DHX30: variants seen among roughly 807,000 people sequenced by gnomAD.
The protein encoded by DHX30 is ATP-dependent RNA helicase DHX30.
DHX30 carries 4 observed loss-of-function variants against 116.9 expected under a neutral mutation model. That is an observed-to-expected ratio of 0.03 (90% CI 0.02 to 0.08). The LOEUF is 0.08. Ranked by LOEUF, DHX30 falls within the 10% of genes least tolerant of loss-of-function variation. DHX30 has a pLI of 1.00. For missense variants in DHX30, 871 were observed against 1,595.1 expected (o/e 0.55, Z 7.73); for synonymous variants, 697 against 651.7 (o/e 1.07, Z -1.06).
At chr3:47,824,145 G>A (rs2036427459) in intron 4 of DHX30, among the ~76,000 whole-genome samples, 1 of 151,928 alleles carries the variant, frequency 6.6e-6, no homozygotes, top group Admixed American at 6.6e-5. Context: ...TGGGATTACA[G>A]GCGCGCGACA....
At chr3:47,803,297 C>A in intron 1 of DHX30, 85 bp downstream of exon 1, 1 of 388,208 alleles carries the variant, frequency 2.6e-6, no homozygotes, top group Non-Finnish European at 4.6e-6. Flanking sequence ...GGAGGGGGCC[C>A]GGTCCGACCG....
intron 4 of DHX30, chr3:47,824,755 T>C (rs1576481148): frequency 2.2e-5 from 8 of 359,866 alleles, no homozygotes; most frequent in Non-Finnish European, 2.5e-5. Flanking sequence ...AGCATTATTT[T>C]CCCCCCAACA....
chr3:47,836,051 T>C (rs2037100374), intron 6 of DHX30, among the ~76,000 whole-genome samples: 1 of 152,262 alleles, frequency 6.6e-6, no homozygotes, highest in South Asian at 2.1e-4. Context: ...ATAGCAATTA[T>C]GCTGAAGCTG....
intron 2 of DHX30, among the ~76,000 whole-genome samples, chr3:47,807,037 C>T (rs1483991651): frequency 1.3e-5 from 2 of 151,902 alleles, no homozygotes; most frequent in African/African-American, 4.8e-5. Flanking sequence ...GAAACACTGT[C>T]TCTACCAAAA....
At position 47,820,325 on chromosome 3, in the gene DHX30, A is replaced by G. The variant is rs559077390; in HGVS notation, c.124+2208A>G. Among the ~76,000 whole-genome samples, 7 of 151,950 alleles carry G rather than the reference A, an allele frequency of 4.6e-5. No homozygotes were observed. The South Asian group carries it at 1.5e-3, about 32-fold the overall frequency. ...CGAGACTCCATCTCAAAAAAAAAAA[A>G]GAGACCTGCGGCTTATGTGGAAGGG... is the stretch of plus-strand genomic sequence containing the variant. On this transcript the variant is annotated intron_variant, in intron 4 of 21. Coordinates refer to ENST00000445061, the MANE Select transcript of DHX30 (RefSeq NM_138615.3).
chr3:47,845,839 C>T lies in DHX30; in HGVS notation c.1079C>T (p.Thr360Ile), dbSNP rs200777275. The T allele has an allele frequency of 4.4e-6, 7 of 1,599,730 alleles. No individual in the cohort carries two copies. Among genetic ancestry groups the T allele is most frequent in the Non-Finnish European group, 6.0e-6 (7 of 1,168,322 alleles). The change falls in exon 10 of 22, where the codon ACC becomes ATC. Residue 360 changes from threonine to isoleucine, a missense_variant. Transcript: ENST00000445061. ...GAGCCCATCCTCCGCAAGATAGAGA[C>T]CTTCCTGAACCATGTAAGAGGCCCT... ...VPEPILRKIE[T>I]FLNHYPVESS...
intron 6 of DHX30, among the ~76,000 whole-genome samples, chr3:47,829,597 G>A (rs1046505838): frequency 4.6e-5 from 7 of 151,732 alleles, no homozygotes; most frequent in African/African-American, 1.7e-4. Context: ...ACCTGCCTAG[G>A]CCTCTCAAAG....
chr3:47,824,995 G>T (rs997386621), intron 4 of DHX30: 3 of 557,750 alleles, frequency 5.4e-6, no homozygotes, highest in Non-Finnish European at 9.4e-6. Flanking sequence ...CGTTCTCTTC[G>T]CCCGGTCCCT....
chr3:47,819,432 C>T (rs1441909229), intron 4 of DHX30, among the ~76,000 whole-genome samples: 1 of 152,218 alleles, frequency 6.6e-6, no homozygotes, highest in African/African-American at 2.4e-5. Flanking sequence ...AAGTGCTGTG[C>T]TCTCTTCCCC....
intron 6 of DHX30, among the ~76,000 whole-genome samples, chr3:47,839,280 CTT>C (rs59932351): frequency 6.9e-5 from 9 of 129,792 alleles, no homozygotes; most frequent in African/African-American, 1.2e-4. Flanking sequence ...CTTATATTCT[CTT>C]TTTTTTTTTT....
intron 3 of DHX30, among the ~76,000 whole-genome samples, chr3:47,815,137 T>G (rs551406272): frequency 6.6e-6 from 1 of 152,234 alleles, no homozygotes; most frequent in Admixed American, 6.6e-5. Context: ...GTTCCCGAGT[T>G]TCATTGACTG....
intron 6 of DHX30, among the ~76,000 whole-genome samples, chr3:47,837,136 G>A (rs543856867): frequency 6.6e-6 from 1 of 151,084 alleles, no homozygotes; most frequent in South Asian, 2.1e-4. Flanking sequence ...TGCCAGGGCC[G>A]AGGGCTGGAG....
intron 6 of DHX30, among the ~76,000 whole-genome samples, chr3:47,838,032 A>G (rs1402273376): frequency 6.6e-6 from 1 of 152,128 alleles, no homozygotes; most frequent in South Asian, 2.1e-4. Context: ...TTGCAAAGGC[A>G]GGGGGAGAAC....
intron 3 of DHX30, among the ~76,000 whole-genome samples, chr3:47,811,972 G>A (rs2035808989): frequency 6.7e-6 from 1 of 149,776 alleles, no homozygotes; most frequent in South Asian, 2.1e-4. Flanking sequence ...GCTGAGGCAG[G>A]AGAATAGCTT....
At chr3:47,824,921 C>T (rs1188572678) in intron 4 of DHX30, 4 of 484,394 alleles carry the variant, frequency 8.3e-6, no homozygotes, top group Non-Finnish European at 1.4e-5. Context: ...ATGCCCTCGC[C>T]TAGGCTTGGG....
Position 47,840,897 on chromosome 3 carries a change from C to G in DHX30, c.387C>G (p.Pro129=). The change falls in exon 7 of 22, where the codon CCC becomes CCG. Residue 129 remains proline, a synonymous_variant. Transcript: ENST00000445061. ...QLFKGWGLLG[P]RNELFDAAKY... is the part of the protein sequence containing the mutation. Reference sequence around the variant, plus strand: ...TCCAGGGTTGGGGTCTGCTAGGTCCCCGGAATGAGTTGTTTGACGCAGCCA... The same window carrying G: ...TCCAGGGTTGGGGTCTGCTAGGTCCGCGGAATGAGTTGTTTGACGCAGCCA... 2 of 1,614,156 alleles carry G rather than the reference C, an allele frequency of 1.2e-6. No individual in the cohort carries two copies. Among genetic ancestry groups the G allele is most frequent in the Non-Finnish European group, 1.7e-6 (2 of 1,180,022 alleles).
At chr3:47,823,359 T>TG (rs1261147877) in intron 4 of DHX30, among the ~76,000 whole-genome samples, 17 of 145,254 alleles carry the variant, frequency 1.2e-4, no homozygotes, top group African/African-American at 4.1e-4. Context: ...TGGTTGTTGT[T>TG]TTTTTTTTTT....
Position 47,845,681 on chromosome 3 carries a change from C to A in DHX30, c.940-19C>A, listed in dbSNP as rs974711417. 14 of 1,570,012 alleles carry A rather than the reference C, an allele frequency of 8.9e-6. No individual in the cohort carries two copies. The highest frequency in any genetic ancestry group is 1.2e-5 in the Non-Finnish European group (14 of 1,148,164). ...GGGAGCCCCAGAGCATAGACTGAGT[C>A]TTGCATGTCCCCCTGCAGAGCCTGG... On this transcript the variant is annotated intron_variant, in intron 9 of 21. Coordinates refer to ENST00000445061, the MANE Select transcript of DHX30 (RefSeq NM_138615.3).
intron 4 of DHX30, among the ~76,000 whole-genome samples, chr3:47,818,387 C>G (rs981469735): frequency 6.6e-6 from 1 of 152,174 alleles, no homozygotes; most frequent in East Asian, 1.9e-4. Flanking sequence ...TTGGGTGGTT[C>G]TCTCAGCACC....
Sources: gnomAD v4.1 joint callset for allele counts (sites outside exome capture counted in the v4.1 genomes callset) on GRCh38, gnomAD v4.1.1 for gene constraint, MANE v1.5 for transcripts, NCBI Gene and HGNC (gene_info 2026-07-23, HGNC 2026-07-21) for gene names.